The following AR variants were observed in gnomAD, a reference collection of about 807,000 sequenced individuals.
AR encodes the protein dihydrotestosterone receptor.
Under a neutral mutation model 53.9 loss-of-function variants are expected in AR, and 8 were observed. That is an observed-to-expected ratio of 0.15 (90% CI 0.09 to 0.27). The LOEUF (loss-of-function observed/expected upper bound fraction) is 0.27. Among genes scored for constraint, AR ranks in the 10% least tolerant of loss-of-function variants. The pLI is 1.00. For missense variants in AR, 639 were observed against 742.5 expected, an observed-to-expected ratio of 0.86 and a Z score of 1.62; for synonymous variants, 359 against 316.4, an observed-to-expected ratio of 1.13 and a Z score of -1.43.
Position 67,546,609 on chromosome X carries a change from A to T in AR, c.1463A>T (p.Gln488Leu), listed in dbSNP as rs1569265350. ...VAPYGYTRPP[Q>L]GLAGQESDFT... ...CCCTACGGCTACACTCGGCCCCCTC[A>T]GGGGCTGGCGGGCCAGGAAAGCGAC... The change falls in exon 1 of 8, where the codon CAG becomes CTG. Residue 488 changes from glutamine (Q) to leucine (L), a missense_variant. Gln to Leu is a moderately radical substitution (Grantham distance 113). Transcript: ENST00000374690. The T allele has an allele frequency of 1.7e-6, 2 of 1,187,424 alleles. No individual in the cohort carries two copies. Among genetic ancestry groups the T allele is most frequent in the South Asian group, 1.9e-5 (1 of 53,887 alleles).
At chrX:67,628,183 A>G (rs1264684365) in intron 1 of AR, among the ~76,000 whole-genome samples, 21 of 110,540 alleles carry the variant, frequency 1.9e-4, no homozygotes, top group African/African-American at 4.9e-4. Context: ...GAAAGTCATC[A>G]GTAGCTTGAT....
At chrX:67,551,001 GTTTT>G (rs1213943835) in intron 1 of AR, among the ~76,000 whole-genome samples, 3 of 76,632 alleles carry the variant, frequency 3.9e-5, no homozygotes, top group Non-Finnish European at 4.7e-5. Context: ...GAATAGCTGG[GTTTT>G]TTTTTTTTTT....
intron 1 of AR, among the ~76,000 whole-genome samples, chrX:67,593,466 A>G (rs1922932035): frequency 9.3e-6 from 1 of 107,828 alleles, no homozygotes; most frequent in Admixed American, 1.0e-4. Context: ...GGTTCAAGCG[A>G]TTCCCTTGCC....
chrX:67,637,085 G>A (rs1206227017), intron 1 of AR, among the ~76,000 whole-genome samples: 2 of 110,405 alleles, frequency 1.8e-5, no homozygotes, highest in African/African-American at 6.6e-5. Context: ...TGAAAATTTC[G>A]ATTTCTTTAA....
chrX:67,688,133 C>G (rs1302468768), intron 3 of AR, among the ~76,000 whole-genome samples: 1 of 111,751 alleles, frequency 8.9e-6, no homozygotes, highest in East Asian at 2.8e-4. Context: ...GCCTTCATTT[C>G]AGTTGCAGGC....
chrX:67,561,444 A>T (rs989100275), intron 1 of AR, among the ~76,000 whole-genome samples: 1 of 112,480 alleles, frequency 8.9e-6, no homozygotes, highest in African/African-American at 3.2e-5. Context: ...AAAAATACAA[A>T]TAAAATTATG....
In AR at chrX:67,726,507, A is replaced by G. The variant is rs891030814; in HGVS notation, c.*2666A>G. ...ATTTTTCATCTTTATGGGTTTCCCAATTGTGACTCTTGTCTTCATGAATAT... is the reference window on the plus strand; with the variant it reads ...ATTTTTCATCTTTATGGGTTTCCCAGTTGTGACTCTTGTCTTCATGAATAT... On this transcript the variant is annotated 3_prime_UTR_variant, in exon 8 of 8. Coordinates refer to ENST00000374690, the MANE Select transcript of AR (RefSeq NM_000044.6). The G allele has an allele frequency of 8.6e-5, 15 of 174,261 alleles. No homozygotes were observed. The highest frequency in any genetic ancestry group is 1.2e-4 in the Non-Finnish European group (11 of 91,433). The allele number at this position is 174,261 out of a possible 1,213,427, so 14.4% of individuals were successfully genotyped here. A position where few individuals can be genotyped will look rare whatever the true frequency, so the allele number is the denominator to read the frequency against.
Position 67,723,679 on chromosome X carries a change from C to G in AR, c.2608-7C>G, listed in dbSNP as rs750099512. On this transcript the variant is annotated splice_region_variant and splice_polypyrimidine_tract_variant and intron_variant, in intron 7 of 7. Transcript: ENST00000374690. ...CCTGTTTTTCTCCCTCTTATTGTTCCCTACAGATTGCGAGAGAGCTGCATC... is the reference window on the plus strand; with the variant it reads ...CCTGTTTTTCTCCCTCTTATTGTTCGCTACAGATTGCGAGAGAGCTGCATC... 5.8e-6 allele frequency: 7 copies of G among 1,207,483 alleles called. No homozygotes were observed. The South Asian group carries it at 1.1e-4, about 18-fold the overall frequency.
Position 67,728,607 on chromosome X carries a change from A to AG in AR, c.*4766_*4767insG. 1.1e-5 allele frequency: 1 copy of AG among 94,775 alleles called. No individual in the cohort carries two copies. The highest frequency in any genetic ancestry group is 2.1e-5 in the Non-Finnish European group (1 of 48,454). 7.8% of individuals were successfully genotyped at this position (94,775 alleles called of 1,213,427 possible). On this transcript the variant is annotated 3_prime_UTR_variant, in exon 8 of 8. Coordinates refer to ENST00000374690, the MANE Select transcript of AR (RefSeq NM_000044.6). Reference sequence around the variant, plus strand: ...TATATATATATATATATATATATATATATATATAGTGTGTGTGTGTGTTCT... The same window carrying AG: ...TATATATATATATATATATATATATAGTATATATAGTGTGTGTGTGTGTTCT...
At chrX:67,685,428 T>C (rs1302394686) in intron 2 of AR, among the ~76,000 whole-genome samples, 1 of 111,552 alleles carries the variant, frequency 9.0e-6, no homozygotes, top group Non-Finnish European at 1.9e-5. Context: ...ATTCACTACA[T>C]AGAGTGGGCT....
At chrX:67,706,072 A>G (rs926519987) in intron 3 of AR, among the ~76,000 whole-genome samples, 1 of 111,993 alleles carries the variant, frequency 8.9e-6, no homozygotes, top group African/African-American at 3.2e-5. Flanking sequence ...GGTTTTTTGC[A>G]TCGATATTCA....
intron 1 of AR, among the ~76,000 whole-genome samples, chrX:67,610,080 C>T (rs978687836): frequency 3.6e-5 from 4 of 111,239 alleles, no homozygotes; most frequent in Non-Finnish European, 7.5e-5. Flanking sequence ...ATTGGCTGTC[C>T]TTGTACTTAG....
chrX:67,601,893 A>G (rs890491746), intron 1 of AR, among the ~76,000 whole-genome samples: 1 of 111,676 alleles, frequency 9.0e-6, no homozygotes, highest in African/African-American at 3.3e-5. Context: ...CCCCCACCAA[A>G]AGGAAAAGAC....
intron 1 of AR, among the ~76,000 whole-genome samples, chrX:67,637,545 T>G (rs1246321154): frequency 9.2e-6 from 1 of 109,043 alleles, no homozygotes; most frequent in Non-Finnish European, 1.9e-5. Flanking sequence ...CCACGGTGTA[T>G]ATGTGCCACA....
At chrX:67,549,671 T>C (rs1266711237) in intron 1 of AR, among the ~76,000 whole-genome samples, 2 of 111,969 alleles carry the variant, frequency 1.8e-5, no homozygotes, top group Admixed American at 1.9e-4. Flanking sequence ...AATTTATTCT[T>C]GGGAGTTGGG....
intron 3 of AR, among the ~76,000 whole-genome samples, chrX:67,697,525 A>ATACTTTTC (rs2076025861): frequency 9.0e-6 from 1 of 111,494 alleles, no homozygotes; most frequent in Non-Finnish European, 1.9e-5. Context: ...CCAGTTGCCC[A>ATACTTTTC]ACATGGAAGG....
chrX:67,575,061 T>C (rs763190987), intron 1 of AR, among the ~76,000 whole-genome samples: 6 of 111,232 alleles, frequency 5.4e-5, no homozygotes, highest in Non-Finnish European at 9.4e-5. Context: ...CTAAGTGCAC[T>C]GAATGTATGT....
chrX:67,659,540 C>T (rs1243119887), intron 2 of AR, among the ~76,000 whole-genome samples: 2 of 111,363 alleles, frequency 1.8e-5, no homozygotes, highest in Non-Finnish European at 3.8e-5. Flanking sequence ...CTACAAAGGA[C>T]ATGAACTCTT....
In AR at chrX:67,722,999, G is replaced by C. The variant is rs2147538428; in HGVS notation, c.2607+15G>C. The C allele has an allele frequency of 8.3e-7, 1 of 1,210,625 alleles. No homozygotes were observed. The highest frequency in any genetic ancestry group is 1.1e-6 in the Non-Finnish European group (1 of 894,538). ...CCGTGCAGCCTGTAAGCAAACGATG[G>C]AGGGTGCTTTATCAGGGAGAACAGC... is the stretch of plus-strand genomic sequence containing the variant. On this transcript the variant is annotated intron_variant, in intron 7 of 7. Transcript: ENST00000374690.
Sources: allele counts gnomAD v4.1 joint callset (sites outside exome capture counted in the v4.1 genomes callset), GRCh38; gene constraint gnomAD v4.1.1; transcripts MANE v1.5; gene names NCBI Gene and HGNC (gene_info 2026-07-23, HGNC 2026-07-21).